The following LAMA3 variants were observed in gnomAD, a reference collection of about 807,000 sequenced individuals.
LAMA3 encodes the protein laminin subunit alpha-3.
A neutral mutation model predicts 402.0 loss-of-function variants in LAMA3; 281 were observed. That is an observed-to-expected ratio of 0.70 (90% CI 0.63 to 0.77). LAMA3 has a LOEUF of 0.77. Among genes scored for constraint, LAMA3 ranks in the 30% least tolerant of loss-of-function variants. The probability of loss-of-function intolerance (pLI) is 0.00; values close to 1 mark genes in which losing one functional copy is unlikely to be tolerated. For synonymous variants in LAMA3, 1,431 were observed against 1,558.4 expected (o/e 0.92, Z 1.93); for missense variants, 3,840 against 4,215.5 (o/e 0.91, Z 2.47).
chr18:23,873,692 C>T (rs1256841328), intron 38 of LAMA3, among the ~76,000 whole-genome samples: 2 of 152,178 alleles, frequency 1.3e-5, no homozygotes, highest in African/African-American at 4.8e-5. Flanking sequence ...TTAAGAAATT[C>T]TGCTCTCTTT....
In LAMA3 at chr18:23,713,981, C is replaced by T. The variant is rs370341052; in HGVS notation, c.356C>T (p.Ala119Val). The T allele has an allele frequency of 1.2e-5, 19 of 1,613,498 alleles. No individual in the cohort carries two copies. The highest frequency in any genetic ancestry group is 1.4e-5 in the Non-Finnish European group (16 of 1,179,742). The change falls in exon 2 of 75, where the codon GCC becomes GTC. Residue 119 changes from alanine to valine, a missense_variant. By Grantham distance (64) the Ala-to-Val change is moderately conservative (BLOSUM62 0). Transcript: ENST00000313654. The stretch of plus-strand genomic sequence containing the variant: ...AGGAAAGCACATCCTGTCACCAATG[C>T]CATCGATGGATCTGAACGTTGGTGG... Reference protein sequence around the residue: ...DPRKAHPVTNAIDGSERWWQS... With the variant: ...DPRKAHPVTNVIDGSERWWQS...
chr18:23,951,813 A>T, intron 73 of LAMA3, 36 bp downstream of exon 73: 1 of 1,480,920 alleles, frequency 6.8e-7, no homozygotes, highest in Non-Finnish European at 9.4e-7. Context: ...CATGCACTAA[A>T]ACAGGCCCCC....
chr18:23,828,729 G>A (rs1259585391), intron 23 of LAMA3, among the ~76,000 whole-genome samples: 1 of 152,136 alleles, frequency 6.6e-6, no homozygotes, highest in East Asian at 1.9e-4. Flanking sequence ...CTAGTCAGCA[G>A]GACCTCAAGG....
chr18:23,928,650 G>A lies in LAMA3; in HGVS notation c.8321G>A (p.Arg2774Lys). 3.7e-6 allele frequency: 6 copies of A among 1,613,990 alleles called. No individual in the cohort carries two copies. The highest frequency in any genetic ancestry group is 2.7e-5 in the African/African-American group (2 of 75,040). Reference sequence around the variant, plus strand: ...CTTGTGCGATCTGCCTCATTCTCCAGAGGAGGACAATTGAGTTTCACTGAT... The same window carrying A: ...CTTGTGCGATCTGCCTCATTCTCCAAAGGAGGACAATTGAGTTTCACTGAT... ...WKLVRSASFSRGGQLSFTDLG... is the reference protein window; with the variant it reads ...WKLVRSASFSKGGQLSFTDLG... Residue 2774 changes from arginine (R) to lysine (K), a missense_variant, in exon 64 of 75, where the codon AGA becomes AAA. Arg to Lys is a conservative substitution (Grantham distance 26). Transcript: ENST00000313654.
At chr18:23,901,459 G>T in intron 48 of LAMA3, 136 bp downstream of exon 48, 1 of 734,334 alleles carries the variant, frequency 1.4e-6, no homozygotes. Flanking sequence ...AGATCAGACA[G>T]GAACAAAGCG....
chr18:23,741,367 T>C (rs1369841716), intron 2 of LAMA3, among the ~76,000 whole-genome samples: 1 of 151,774 alleles, frequency 6.6e-6, no homozygotes, highest in East Asian at 1.9e-4. Flanking sequence ...TTCAGACTGG[T>C]TGGGTTGTAT....
chr18:23,862,274 A>G (rs564264188), intron 35 of LAMA3, among the ~76,000 whole-genome samples: 25 of 152,356 alleles, frequency 1.6e-4, no homozygotes, highest in African/African-American at 6.0e-4. Flanking sequence ...TTTCCTAAGT[A>G]GAATCACATA....
chr18:23,861,182 T>TC (rs1440472436), intron 34 of LAMA3, among the ~76,000 whole-genome samples: 3 of 152,040 alleles, frequency 2.0e-5, no homozygotes, highest in African/African-American at 7.3e-5. Context: ...CTTTTTTTTT[T>TC]ACCTCAAAAT....
chr18:23,884,187 A>C (rs1416455733), intron 40 of LAMA3, among the ~76,000 whole-genome samples: 1 of 152,084 alleles, frequency 6.6e-6, no homozygotes, highest in Non-Finnish European at 1.5e-5. Flanking sequence ...TTAGAGCTAA[A>C]AGAAAAGGGA....
chr18:23,799,570 A>G (rs3859390), intron 12 of LAMA3, among the ~76,000 whole-genome samples: 39,977 of 152,070 alleles, frequency 0.26, 8,114 homozygotes, highest in East Asian at 0.65. Context: ...TGTCACCCAC[A>G]TTATGCTGTG....
At chr18:23,910,422 TA>T (rs2081389570) in intron 55 of LAMA3, among the ~76,000 whole-genome samples, 1 of 152,158 alleles carries the variant, frequency 6.6e-6, no homozygotes, top group East Asian at 1.9e-4. Flanking sequence ...AAACATAAAA[TA>T]AAAAGCAGTA....
intron 1 of LAMA3, chr18:23,709,769 TTTTC>T (rs943122987): frequency 2.9e-4 from 171 of 581,180 alleles, no homozygotes; most frequent in Middle Eastern, 1.0e-3. Context: ...TTTGATTGTC[TTTTC>T]TTTCTTTCTT....
In LAMA3 at chr18:23,815,101, G is replaced by A. The variant is rs58674320; in HGVS notation, c.1889-87G>A. On this transcript the variant is annotated intron_variant, in intron 15 of 74. Transcript: ENST00000313654. ...TGCGCTGGCAAGGCCAACTGCACAC[G>A]TTGTGTTGCAGCTGTGTAATGTTCC... The A allele has an allele frequency of 3.1e-3, 3,692 of 1,181,006 alleles. 67 individuals are homozygous for A. In the African/African-American group the frequency reaches 0.049, roughly 16 times the overall value. 73.2% of individuals were successfully genotyped at this position (1,181,006 alleles called of 1,614,324 possible).
chr18:23,731,376 T>C (rs752832886), intron 2 of LAMA3, among the ~76,000 whole-genome samples: 1 of 152,238 alleles, frequency 6.6e-6, no homozygotes, highest in Non-Finnish European at 1.5e-5. Flanking sequence ...TACTTCTTCC[T>C]AGTCATTTTT....
intron 55 of LAMA3, among the ~76,000 whole-genome samples, chr18:23,910,463 T>C (rs991585701): frequency 6.6e-6 from 1 of 152,238 alleles, no homozygotes; most frequent in African/African-American, 2.4e-5. Flanking sequence ...CTGGTTGGCA[T>C]TGGCACTTCT....
In LAMA3 at chr18:23,916,608, A is replaced by C. The variant is rs775752318; in HGVS notation, c.7836A>C (p.Pro2612=). 5 of 1,614,184 alleles carry C rather than the reference A, an allele frequency of 3.1e-6. No individual in the cohort carries two copies. Among genetic ancestry groups the C allele is most frequent in the Admixed American group, 1.7e-5 (1 of 60,030 alleles). ...YFEGTGYARV[P]TQPHAPIPTF... is the part of the protein sequence containing the mutation. Reference sequence around the variant, plus strand: ...AAGGTACGGGCTATGCTCGAGTTCCAACTCAACCACATGCTCCCATCCCAA... The same window carrying C: ...AAGGTACGGGCTATGCTCGAGTTCCCACTCAACCACATGCTCCCATCCCAA... Residue 2612 remains proline (P), a synonymous_variant, in exon 60 of 75, where the codon CCA becomes CCC. Coordinates refer to ENST00000313654, the MANE Select transcript of LAMA3 (RefSeq NM_198129.4).
At chr18:23,720,258 C>A (rs1349875692) in intron 2 of LAMA3, among the ~76,000 whole-genome samples, 1 of 152,056 alleles carries the variant, frequency 6.6e-6, no homozygotes, top group Non-Finnish European at 1.5e-5. Flanking sequence ...AGTCTCTCTG[C>A]AACATTTTAA....
intron 37 of LAMA3, among the ~76,000 whole-genome samples, chr18:23,870,370 C>T (rs1391668778): frequency 6.6e-6 from 1 of 151,824 alleles, no homozygotes; most frequent in Non-Finnish European, 1.5e-5. Context: ...AAATTGGGAC[C>T]CTTCAGCCCT....
chr18:23,703,588 A>G (rs1196307496), intron 1 of LAMA3, among the ~76,000 whole-genome samples: 1 of 152,162 alleles, frequency 6.6e-6, no homozygotes, highest in Non-Finnish European at 1.5e-5. Context: ...ACATGTATAC[A>G]TATGTAACAA....
Sources: gnomAD v4.1 joint callset for allele counts (sites outside exome capture counted in the v4.1 genomes callset) on GRCh38, gnomAD v4.1.1 for gene constraint, MANE v1.5 for transcripts, NCBI Gene and HGNC (gene_info 2026-07-23, HGNC 2026-07-21) for gene names.